Variants in NPIPB15 observed in about 807,000 individuals in gnomAD.
NPIPB15 encodes the protein nuclear pore complex interacting protein family member B15.
NPIPB15 carries 5 observed loss-of-function variants against 35.9 expected under a neutral mutation model. That is an observed-to-expected ratio of 0.14 (90% CI 0.07 to 0.29). The LOEUF (loss-of-function observed/expected upper bound fraction) is 0.29. Among genes scored for constraint, NPIPB15 ranks in the 10% least tolerant of loss-of-function variants. The pLI is 1.00. For synonymous variants in NPIPB15, 43 were observed against 182.0 expected, an observed-to-expected ratio of 0.24 and a Z score of 6.15; for missense variants, 100 against 506.1, an observed-to-expected ratio of 0.20 and a Z score of 7.70.
At chr16:74,389,026 T>G (rs1173464626) in intron 5 of NPIPB15, among the ~76,000 whole-genome samples, 5 of 149,366 alleles carry the variant, frequency 3.3e-5, no homozygotes, top group African/African-American at 1.2e-4. Context: ...AAACGTCTCC[T>G]GACCCCATTG....
chr16:74,382,568 A>T (rs1404579940), intron 3 of NPIPB15, among the ~76,000 whole-genome samples: 1 of 152,268 alleles, frequency 6.6e-6, no homozygotes, highest in East Asian at 1.9e-4. Flanking sequence ...AAGTTGTGCC[A>T]TAATTTGTCT....
intron 3 of NPIPB15, among the ~76,000 whole-genome samples, chr16:74,383,471 G>T (rs2012097153): frequency 1.3e-5 from 2 of 150,976 alleles, no homozygotes; most frequent in South Asian, 4.2e-4. Context: ...CCTTTCCTAT[G>T]AAATCTAGTA....
intron 5 of NPIPB15, among the ~76,000 whole-genome samples, chr16:74,389,363 GTTT>G (rs1393315062): frequency 1.3e-5 from 2 of 149,300 alleles, no homozygotes; most frequent in East Asian, 2.0e-4. Flanking sequence ...AGACCGTACA[GTTT>G]TTTTGTTTTT....
intron 3 of NPIPB15, among the ~76,000 whole-genome samples, chr16:74,384,971 G>A (rs112498935): frequency 3.8e-5 from 5 of 130,226 alleles, no homozygotes; most frequent in Non-Finnish European, 8.0e-5. Flanking sequence ...GTGAGTCACC[G>A]TGCCAGCCTC....
chr16:74,386,561 C>T (rs1374655445), intron 5 of NPIPB15, among the ~76,000 whole-genome samples: 16 of 132,164 alleles, frequency 1.2e-4, no homozygotes, highest in East Asian at 1.1e-3. Context: ...CAGGTTCAAG[C>T]GATTCTTATC....
intron 3 of NPIPB15, among the ~76,000 whole-genome samples, chr16:74,382,608 A>G (rs2012050643): frequency 6.6e-6 from 1 of 152,288 alleles, no homozygotes; most frequent in African/African-American, 2.4e-5. Context: ...GGGTAAGTTG[A>G]GCTCTACATT....
chr16:74,389,444 C>T (rs1319824287), intron 5 of NPIPB15, among the ~76,000 whole-genome samples: 3 of 149,440 alleles, frequency 2.0e-5, no homozygotes, highest in South Asian at 2.1e-4. Context: ...GTGATCTTGG[C>T]TCACTGCAAC....
intron 3 of NPIPB15, among the ~76,000 whole-genome samples, chr16:74,384,376 T>A (rs1213908466): frequency 3.0e-5 from 3 of 99,898 alleles, no homozygotes; most frequent in Non-Finnish European, 4.1e-5. Context: ...ATGTCATTTT[T>A]TTTTTTTTTT....
At chr16:74,386,608 G>A (rs1597158160) in intron 5 of NPIPB15, among the ~76,000 whole-genome samples, 1 of 147,586 alleles carries the variant, frequency 6.8e-6, no homozygotes, top group African/African-American at 2.5e-5. Context: ...ACAGGCATAT[G>A]CCACCATGCC....
chr16:74,390,484 CCCA>C (rs1262491683), intron 7 of NPIPB15: 12 of 93,504 alleles, frequency 1.3e-4, no homozygotes, highest in African/African-American at 8.1e-4. Flanking sequence ...GTTTAGAATT[CCCA>C]CCTCATTTTT....
intron 5 of NPIPB15, among the ~76,000 whole-genome samples, chr16:74,389,140 C>A (rs1431751149): frequency 7.1e-6 from 1 of 141,434 alleles, no homozygotes; most frequent in Non-Finnish European, 1.5e-5. Context: ...CAACCACATC[C>A]TTCAAAAGGA....
intron 2 of NPIPB15, among the ~76,000 whole-genome samples, chr16:74,380,969 C>T (rs1298252134): frequency 2.6e-5 from 4 of 152,134 alleles, no homozygotes; most frequent in South Asian, 2.1e-4. Flanking sequence ...ATGGTGAAAC[C>T]TCATCTCTAC....
rs1443412456 is a variant in NPIPB15 at position 74,378,513 on chromosome 16, G to A, written c.66+474G>A. Among the ~76,000 whole-genome samples the A allele has an allele frequency of 2.5e-3, 328 of 133,354 alleles. 1 individual carries two copies. Among genetic ancestry groups the A allele is most frequent in the Non-Finnish European group, 4.0e-3 (262 of 64,976 alleles). The allele number at this position is 133,354 out of a possible 152,430, so 87.5% of individuals were successfully genotyped here. A position where few individuals can be genotyped will look rare whatever the true frequency, so the allele number is the denominator to read the frequency against. ...AAGATCTCGGCTCACTGCAACCTCC[G>A]CTTCCGGGGTTCAAGCAATTGTCCT... On this transcript the variant is annotated intron_variant, in intron 2 of 7. Coordinates refer to ENST00000692376, the MANE Select transcript of NPIPB15 (RefSeq NM_001306094.2).
At position 74,376,763 on chromosome 16, in the gene NPIPB15, A is replaced by G. The variant is rs1008448777; in HGVS notation, c.-606A>G. ...TGCCACAAAGAGGAATTCCCAGGCC[A>G]GGGGGAGACATTTTATTGCCATGTT... On this transcript the variant is annotated 5_prime_UTR_variant, in exon 1 of 8. Coordinates refer to ENST00000692376, the MANE Select transcript of NPIPB15 (RefSeq NM_001306094.2). Among the ~76,000 whole-genome samples the G allele has an allele frequency of 6.6e-6, 1 of 150,868 alleles. No individual in the cohort carries two copies. The highest frequency in any genetic ancestry group is 1.5e-5 in the Non-Finnish European group (1 of 67,740).
chr16:74,380,283 C>A (rs559142517), intron 2 of NPIPB15, among the ~76,000 whole-genome samples: 1 of 151,842 alleles, frequency 6.6e-6, no homozygotes, highest in South Asian at 2.1e-4. Flanking sequence ...TGGCAGGCGC[C>A]TGTAATCCCA....
chr16:74,384,991 TTGTGTGTGTG>T (rs199888896), intron 3 of NPIPB15, among the ~76,000 whole-genome samples: 2,774 of 92,842 alleles, frequency 0.03, 48 homozygotes, highest in African/African-American at 0.049. Context: ...CATGTCATTC[TTGTGTGTGTG>T]TGTGTGTGTG....
intron 5 of NPIPB15, among the ~76,000 whole-genome samples, chr16:74,385,967 G>A (rs1220401700): frequency 7.8e-6 from 1 of 128,886 alleles, no homozygotes; most frequent in African/African-American, 2.8e-5. Context: ...GGAGTTGCTA[G>A]TACTGGCATT....
At position 74,389,458 on chromosome 16, in the gene NPIPB15, C is replaced by T. The variant is rs367887216; in HGVS notation, c.546-367C>T. Among the ~76,000 whole-genome samples, 21 of 148,590 alleles carry T rather than the reference C, an allele frequency of 1.4e-4. No homozygotes were observed. In the East Asian group the frequency reaches 3.0e-3, roughly 22 times the overall value. ...CGTGATCTTGGCTCACTGCAACCTC[C>T]GCCTCCCAGGTTCAAGTGATTCCCC... On this transcript the variant is annotated intron_variant, in intron 5 of 7. Coordinates refer to ENST00000692376, the MANE Select transcript of NPIPB15 (RefSeq NM_001306094.2).
chr16:74,389,102 T>G, intron 5 of NPIPB15, among the ~76,000 whole-genome samples: 1 of 146,238 alleles, frequency 6.8e-6, no homozygotes, highest in Admixed American at 7.1e-5. Context: ...GTTGTTGTCA[T>G]CCTTAGGAAA....
Sources: gnomAD v4.1 joint callset for allele counts (sites outside exome capture counted in the v4.1 genomes callset) on GRCh38, gnomAD v4.1.1 for gene constraint, MANE v1.5 for transcripts, NCBI Gene and HGNC (gene_info 2026-07-23, HGNC 2026-07-21) for gene names.